PRR5L: variants seen among roughly 807,000 people sequenced by gnomAD.
PRR5L encodes proline rich 5 like.
In PRR5L, 21 loss-of-function variants were observed where a neutral mutation model predicts 36.4. That is an observed-to-expected ratio of 0.58 (90% CI 0.41 to 0.83). The LOEUF (loss-of-function observed/expected upper bound fraction) is 0.83, where lower values mean the gene tolerates loss of function less well. PRR5L is among the 40% of genes least tolerant of loss of function. PRR5L has a pLI of 0.00. For missense variants in PRR5L, 381 were observed against 473.3 expected (o/e 0.80, Z 1.81); for synonymous variants, 188 against 197.0 (o/e 0.95, Z 0.38).
intron 8 of PRR5L, chr11:36,454,019 T>C (rs1309956296): frequency 6.6e-6 from 1 of 152,610 alleles, no homozygotes; most frequent in Non-Finnish European, 1.5e-5. Flanking sequence ...GACCTCGTCC[T>C]GGGTATGGTG....
At chr11:36,407,286 T>C (rs552721905) in intron 3 of PRR5L, among the ~76,000 whole-genome samples, 1 of 152,216 alleles carries the variant, frequency 6.6e-6, no homozygotes, top group South Asian at 2.1e-4. Flanking sequence ...GTCCAAGTGT[T>C]TGAGACCAGC....
At chr11:36,396,520 G>A (rs1287146695) in intron 1 of PRR5L, among the ~76,000 whole-genome samples, 1 of 152,234 alleles carries the variant, frequency 6.6e-6, no homozygotes, top group Non-Finnish European at 1.5e-5. Flanking sequence ...GGGAGCTGCT[G>A]TTGTATTCCC....
At chr11:36,403,463 GTT>G (rs34764114) in intron 3 of PRR5L, 85 bp downstream of exon 3, 5,827 of 633,978 alleles carry the variant, frequency 9.2e-3, no homozygotes, top group South Asian at 0.012. Flanking sequence ...AGCCTTAAGG[GTT>G]TTTTTTTTTT....
chr11:36,392,078 T>G (rs1257075382), intron 1 of PRR5L, among the ~76,000 whole-genome samples: 1 of 152,268 alleles, frequency 6.6e-6, no homozygotes, highest in Non-Finnish European at 1.5e-5. Context: ...TCTGTTGTTC[T>G]GTGGCTGGCT....
chr11:36,429,485 TGTCC>T (rs1156932762), intron 4 of PRR5L, among the ~76,000 whole-genome samples: 1 of 152,176 alleles, frequency 6.6e-6, no homozygotes, highest in Non-Finnish European at 1.5e-5. Context: ...TTTTCATTTC[TGTCC>T]ATGCCTCAGT....
At chr11:36,383,953 C>A (rs1362494575) in intron 1 of PRR5L, among the ~76,000 whole-genome samples, 1 of 152,094 alleles carries the variant, frequency 6.6e-6, no homozygotes, top group African/African-American at 2.4e-5. Flanking sequence ...GCCTCGGCCT[C>A]CCCTGTCTTT....
At chr11:36,429,633 G>C (rs1858452230) in intron 4 of PRR5L, among the ~76,000 whole-genome samples, 1 of 152,162 alleles carries the variant, frequency 6.6e-6, no homozygotes, top group Admixed American at 6.5e-5. Context: ...TAGGAAAGTT[G>C]TTTTAATAGA....
At chr11:36,397,076 T>C (rs1359521220) in intron 1 of PRR5L, among the ~76,000 whole-genome samples, 6 of 150,316 alleles carry the variant, frequency 4.0e-5, no homozygotes, top group Non-Finnish European at 8.9e-5. Context: ...TCTTTTTTTT[T>C]TTTTTTTTTG....
At chr11:36,343,761 GCTATTATTAC>G (rs1856838947) in intron 1 of PRR5L, among the ~76,000 whole-genome samples, 1 of 152,192 alleles carries the variant, frequency 6.6e-6, no homozygotes, top group South Asian at 2.1e-4. Context: ...TGATGTAAAT[GCTATTATTAC>G]CTCCACTTAC....
intron 1 of PRR5L, among the ~76,000 whole-genome samples, chr11:36,361,240 A>C (rs1857084576): frequency 1.3e-5 from 2 of 152,222 alleles, no homozygotes; most frequent in Non-Finnish European, 2.9e-5. Flanking sequence ...CAACAGACTA[A>C]GTGCACAGCA....
chr11:36,347,185 A>G (rs1047738654), intron 1 of PRR5L, among the ~76,000 whole-genome samples: 2 of 152,016 alleles, frequency 1.3e-5, no homozygotes, highest in Non-Finnish European at 2.9e-5. Flanking sequence ...TTCTTTATTC[A>G]TTTCTGTTTT....
chr11:36,406,241 A>G (rs991057019), intron 3 of PRR5L, among the ~76,000 whole-genome samples: 1 of 151,988 alleles, frequency 6.6e-6, no homozygotes, highest in Non-Finnish European at 1.5e-5. Context: ...GGGCTGCTAG[A>G]TGTTCCTCTG....
intron 1 of PRR5L, chr11:36,398,800 G>C (rs1857725801): frequency 6.6e-6 from 1 of 152,250 alleles, no homozygotes; most frequent in Non-Finnish European, 1.5e-5. Context: ...CAGTTTCCTG[G>C]AGAAGTGGAT....
chr11:36,415,334 G>A (rs904460499), intron 3 of PRR5L, among the ~76,000 whole-genome samples: 11 of 152,234 alleles, frequency 7.2e-5, no homozygotes, highest in African/African-American at 2.7e-4. Context: ...GCTGGCTAAA[G>A]TGTTGTGTTG....
At chr11:36,376,578 T>TTTC (rs1439480777) in intron 1 of PRR5L, 2 of 991,116 alleles carry the variant, frequency 2.0e-6, no homozygotes, top group African/African-American at 3.5e-5. Flanking sequence ...AGGTCGCTCA[T>TTTC]TTCTCTCCGG....
intron 1 of PRR5L, among the ~76,000 whole-genome samples, chr11:36,306,966 A>G (rs1036062887): frequency 2.0e-5 from 3 of 152,094 alleles, no homozygotes; most frequent in African/African-American, 7.2e-5. Flanking sequence ...ACCCATTCAC[A>G]GGGTTGGTAG....
intron 1 of PRR5L, among the ~76,000 whole-genome samples, chr11:36,300,072 T>C (rs1437575387): frequency 6.6e-6 from 1 of 152,136 alleles, no homozygotes; most frequent in African/African-American, 2.4e-5. Flanking sequence ...ATCAGCAGAA[T>C]AATGAAGTAC....
intron 1 of PRR5L, among the ~76,000 whole-genome samples, chr11:36,321,770 G>A (rs922040045): frequency 6.6e-6 from 1 of 152,150 alleles, no homozygotes; most frequent in Non-Finnish European, 1.5e-5. Flanking sequence ...TTCTCACACT[G>A]TGGAGTCTAG....
At chr11:36,352,549 A>G (rs942819558) in intron 1 of PRR5L, among the ~76,000 whole-genome samples, 1 of 152,156 alleles carries the variant, frequency 6.6e-6, no homozygotes, top group East Asian at 1.9e-4. Flanking sequence ...AGTTGAGCCC[A>G]GGGAGGTTAA....
Sources: gnomAD v4.1 joint callset for allele counts (sites outside exome capture counted in the v4.1 genomes callset) on GRCh38, gnomAD v4.1.1 for gene constraint, MANE v1.5 for transcripts, NCBI Gene and HGNC (gene_info 2026-07-23, HGNC 2026-07-21) for gene names.